The following SEMA3F variants were observed in gnomAD, a reference collection of about 807,000 sequenced individuals.
The protein encoded by SEMA3F is semaphorin-3F.
Under a neutral mutation model 98.5 loss-of-function variants are expected in SEMA3F, and 30 were observed. That is an observed-to-expected ratio of 0.30 (90% CI 0.23 to 0.41). The LOEUF is 0.41. Among genes scored for constraint, SEMA3F ranks in the 10% least tolerant of loss-of-function variants. The probability of loss-of-function intolerance (pLI) is 1.00; values close to 1 mark genes in which losing one functional copy is unlikely to be tolerated. For missense variants in SEMA3F, 866 were observed against 1,119.3 expected, an observed-to-expected ratio of 0.77 and a Z score of 3.23; for synonymous variants, 380 against 444.8, an observed-to-expected ratio of 0.85 and a Z score of 1.83.
chr3:50,187,271 A>T (rs1292313934), intron 18 of SEMA3F, among the ~76,000 whole-genome samples: 1 of 152,158 alleles, frequency 6.6e-6, no homozygotes, highest in Non-Finnish European at 1.5e-5. Flanking sequence ...TACCAAAAAT[A>T]CAAAAATTAG....
intron 16 of SEMA3F, 84 bp downstream of exon 16, chr3:50,186,130 C>G: frequency 6.7e-7 from 1 of 1,492,892 alleles, no homozygotes; most frequent in Non-Finnish European, 9.1e-7. Context: ...TGATATTACC[C>G]GGGGTGCATG....
At chr3:50,168,605 G>T (rs933447816) in intron 2 of SEMA3F, among the ~76,000 whole-genome samples, 2 of 152,182 alleles carry the variant, frequency 1.3e-5, no homozygotes, top group African/African-American at 4.8e-5. Context: ...GTGGCCATGG[G>T]CTGAGGCCTT....
intron 2 of SEMA3F, among the ~76,000 whole-genome samples, chr3:50,172,614 C>A: frequency 6.6e-6 from 1 of 152,186 alleles, no homozygotes; most frequent in Non-Finnish European, 1.5e-5. Context: ...AGGGAGAGAG[C>A]CTCTTTCCCA....
At chr3:50,174,411 G>T (rs1037027826) in intron 5 of SEMA3F, 61 bp downstream of exon 5, 1 of 1,552,682 alleles carries the variant, frequency 6.4e-7, no homozygotes, top group Non-Finnish European at 8.7e-7. Flanking sequence ...CCAGGGTCCT[G>T]ATGGGAGGAG....
At chr3:50,175,312 C>A in intron 6 of SEMA3F, 124 bp downstream of exon 6, 2 of 678,844 alleles carry the variant, frequency 2.9e-6, no homozygotes, top group Admixed American at 2.3e-5. Context: ...ACACCCTGTC[C>A]CCACCCCTTC....
In SEMA3F at chr3:50,182,760, G is replaced by T. The variant is rs565856671; in HGVS notation, c.880G>T (p.Ala294Ser). Residue 294 changes from alanine (A) to serine (S), a missense_variant, in exon 9 of 19, where the codon GCC (alanine) becomes TCC (serine). By Grantham distance (99) the Ala-to-Ser change is moderately conservative (BLOSUM62 1). Around this residue, in one of 3 missense-constraint regions of SEMA3F, gnomAD observed 374 missense variants for 582.8 expected, o/e 0.64. Transcript: ENST00000002829. This position sits in a 1 kb window ranked among gnomAD's most constrained non-coding sequence, Gnocchi z 4.5. ...GGCGCCGCAGAGCCCCGCGGTGTAC[G>T]CCCGCATCGGGCGCATTTGCCTGGT... ...AEAPQSPAVY[A>S]RIGRICLNDD... is the part of the protein sequence containing the mutation. The T allele has an allele frequency of 6.2e-7, 1 of 1,612,996 alleles. No individual in the cohort carries two copies. Among genetic ancestry groups the T allele is most frequent in the Non-Finnish European group, 8.5e-7 (1 of 1,179,962 alleles).
chr3:50,175,279 G>A, intron 6 of SEMA3F, 91 bp downstream of exon 6: 2 of 887,668 alleles, frequency 2.3e-6, no homozygotes, highest in East Asian at 2.7e-5. Context: ...CCTCCCCAGG[G>A]CCTCCCCTCT....
intron 2 of SEMA3F, among the ~76,000 whole-genome samples, chr3:50,160,963 T>C (rs1406833799): frequency 6.6e-6 from 1 of 152,152 alleles, no homozygotes; most frequent in African/African-American, 2.4e-5. Flanking sequence ...GTTAATTTGT[T>C]TGGGCTGGAA....
chr3:50,163,381 G>T (rs1698284702), intron 2 of SEMA3F, among the ~76,000 whole-genome samples: 1 of 152,240 alleles, frequency 6.6e-6, no homozygotes, highest in Non-Finnish European at 1.5e-5. Flanking sequence ...GGGAACATCA[G>T]GGCCTAAGAG....
rs1698720072 is a variant in SEMA3F at position 50,174,236 on chromosome 3, G to A, written c.342G>A (p.Glu114=). The change falls in exon 5 of 19, where the codon GAG becomes GAA. Residue 114 remains glutamate (E), a synonymous_variant. Coordinates refer to ENST00000002829, the MANE Select transcript of SEMA3F (RefSeq NM_004186.5). ...CVLSGKDVNG[E]CGNFVRLIQP... is the part of the protein sequence containing the mutation. ...AGCCTTCCCTGTGGCCCCAGGGCGA[G>A]TGTGGGAACTTCGTCAGGCTCATCC... 4 of 1,613,680 alleles carry A rather than the reference G, an allele frequency of 2.5e-6. No individual in the cohort carries two copies. In the Admixed American group the frequency reaches 6.7e-5, roughly 27 times the overall value.
intron 7 of SEMA3F, 123 bp downstream of exon 7, chr3:50,176,984 A>G: frequency 1.3e-6 from 1 of 783,436 alleles, no homozygotes; most frequent in Middle Eastern, 3.5e-4. Context: ...GAACTCCCCA[A>G]AAGGCCCCAC....
intron 1 of SEMA3F, among the ~76,000 whole-genome samples, chr3:50,157,988 C>T (rs1216937472): frequency 1.3e-5 from 2 of 152,238 alleles, no homozygotes; most frequent in African/African-American, 4.8e-5. Context: ...ACCCCACTAG[C>T]AGGTCAAGTT....
intron 7 of SEMA3F, among the ~76,000 whole-genome samples, chr3:50,177,266 G>A (rs2109097393): frequency 6.6e-6 from 1 of 152,364 alleles, no homozygotes; most frequent in East Asian, 1.9e-4. Flanking sequence ...GAGCCCTGTA[G>A]CGAAGGACCA....
chr3:50,155,165 G>A, upstream of SEMA3F: 1 of 354,822 alleles, frequency 2.8e-6, no homozygotes, highest in Non-Finnish European at 5.1e-6. This position sits in a 1 kb window ranked among gnomAD's most constrained non-coding sequence, Gnocchi z 4.9. Context: ...GCGAGGAACC[G>A]TGCAGCCCAG....
In SEMA3F at chr3:50,159,661, G is replaced by C. The variant is rs1698129271; in HGVS notation, c.39G>C (p.Leu13=). The C allele has an allele frequency of 6.2e-7, 1 of 1,613,050 alleles. No individual in the cohort carries two copies. Among genetic ancestry groups the C allele is most frequent in the Non-Finnish European group, 8.5e-7 (1 of 1,179,676 alleles). ...VAGLLLWASL[L]TGAWPSFPTQ... ...GTCTTCTTCTCTGGGCTTCCCTACT[G>C]ACCGGGGCCTGGCCATCCTTCCCCA... The change falls in exon 2 of 19, where the codon CTG becomes CTC. Residue 13 remains leucine (L), a synonymous_variant. Transcript: ENST00000002829.
Position 50,155,585 on chromosome 3 carries a change from G to T in SEMA3F, c.-49+21G>T. The T allele has an allele frequency of 3.3e-6, 1 of 299,496 alleles. No individual in the cohort carries two copies. Among genetic ancestry groups the T allele is most frequent in the South Asian group, 1.5e-4 (1 of 6,724 alleles). The allele number at this position is 299,496 out of a possible 1,614,324, so 18.6% of individuals were successfully genotyped here. A position where few individuals can be genotyped will look rare whatever the true frequency, so the allele number is the denominator to read the frequency against. The stretch of plus-strand genomic sequence containing the variant: ...AAGAGGTGAGTGCAGCGGGAACCGG[G>T]AGGGAGCGGGCAGGCGGCCGGGCCA... On this transcript the variant is annotated intron_variant, in intron 1 of 18. Coordinates refer to ENST00000002829, the MANE Select transcript of SEMA3F (RefSeq NM_004186.5). This position sits in a 1 kb window ranked among gnomAD's most constrained non-coding sequence, Gnocchi z 4.9.
intron 13 of SEMA3F, among the ~76,000 whole-genome samples, chr3:50,185,027 G>C (rs1223687424): frequency 1.3e-5 from 2 of 152,198 alleles, no homozygotes; most frequent in Non-Finnish European, 2.9e-5. Flanking sequence ...AGGGGCCCAG[G>C]AGAACAGGGA....
chr3:50,167,144 G>T (rs1329674247), intron 2 of SEMA3F, among the ~76,000 whole-genome samples: 1 of 152,196 alleles, frequency 6.6e-6, no homozygotes. Context: ...CTGAGCCGGA[G>T]CCCTGACTTG....
In SEMA3F at chr3:50,175,187, A is replaced by G; in HGVS notation, c.548A>G (p.Gln183Arg). Residue 183 changes from glutamine (Q) to arginine (R), a missense_variant and splice_region_variant, in exon 6 of 19, where the codon CAG becomes CGG. By Grantham distance (43) the Gln-to-Arg change is conservative. Around this residue, in one of 3 missense-constraint regions of SEMA3F, gnomAD observed 247 missense variants for 276.0 expected, o/e 0.89. Coordinates refer to ENST00000002829, the MANE Select transcript of SEMA3F (RefSeq NM_004186.5). Reference sequence around the variant, plus strand: ...CGCCCGATGCCCACAGCCCCACGCCAGGTGGGCCTCATCCCTCCAGGCCTT... The same window carrying G: ...CGCCCGATGCCCACAGCCCCACGCCGGGTGGGCCTCATCCCTCCAGGCCTT... ...ALRPMPTAPR[Q>R]DYIFYLEPER... 1 of 1,583,684 alleles carries G rather than the reference A, an allele frequency of 6.3e-7. No individual in the cohort carries two copies. The highest frequency in any genetic ancestry group is 8.6e-7 in the Non-Finnish European group (1 of 1,161,498).
Sources: allele counts gnomAD v4.1 joint callset (sites outside exome capture counted in the v4.1 genomes callset), GRCh38; gene constraint gnomAD v4.1.1; regional missense constraint gnomAD v4.1.1; non-coding constraint Gnocchi (gnomAD v3.1); transcripts MANE v1.5; gene names NCBI Gene and HGNC (gene_info 2026-07-23, HGNC 2026-07-21).